Variants in ERBB4 observed in about 807,000 individuals in gnomAD.
ERBB4 encodes the protein receptor tyrosine-protein kinase erbB-4.
ERBB4 carries 42 observed loss-of-function variants against 158.0 expected under a neutral mutation model. That is an observed-to-expected ratio of 0.27 (90% confidence interval 0.21 to 0.34). The LOEUF (loss-of-function observed/expected upper bound fraction) is 0.34, where lower values mean the gene tolerates loss of function less well. Among genes scored for constraint, ERBB4 ranks in the 10% least tolerant of loss-of-function variants. ERBB4 has a pLI of 1.00. For missense variants in ERBB4, 1,333 were observed against 1,624.1 expected (o/e 0.82, Z 3.08); for synonymous variants, 583 against 558.7 (o/e 1.04, Z -0.61).
intron 20 of ERBB4, among the ~76,000 whole-genome samples, chr2:211,493,808 G>T (rs181981603): frequency 5.2e-4 from 79 of 152,160 alleles, no homozygotes; most frequent in Admixed American, 3.7e-3. Flanking sequence ...AATATTACAT[G>T]CTTCCCTAAC....
chr2:212,460,682 A>G (rs989033321), intron 1 of ERBB4, among the ~76,000 whole-genome samples: 8 of 152,226 alleles, frequency 5.3e-5, no homozygotes, highest in Non-Finnish European at 1.5e-5. Context: ...TAAAGCACTC[A>G]GTTTTGTAAA....
intron 3 of ERBB4, among the ~76,000 whole-genome samples, chr2:211,913,197 ACAATATTATCT>A (rs2079583463): frequency 1.3e-5 from 2 of 152,212 alleles, no homozygotes; most frequent in South Asian, 4.1e-4. Context: ...CTTGGTCCCC[ACAATATTATCT>A]CATGAAGCTG....
chr2:211,677,621 TC>T (rs1371201219), intron 13 of ERBB4, among the ~76,000 whole-genome samples: 2 of 149,704 alleles, frequency 1.3e-5, no homozygotes, highest in Non-Finnish European at 3.0e-5. Context: ...ACGCCTGTAA[TC>T]CCAGCACTTT....
chr2:212,287,625 G>T (rs1033176487), intron 1 of ERBB4, among the ~76,000 whole-genome samples: 1 of 151,962 alleles, frequency 6.6e-6, no homozygotes, highest in East Asian at 1.9e-4. Context: ...CCAGTAAGAG[G>T]CGTGCTCTTT....
At chr2:211,736,034 G>A (rs1299141702) in intron 5 of ERBB4, among the ~76,000 whole-genome samples, 6 of 151,246 alleles carry the variant, frequency 4.0e-5, no homozygotes, top group Admixed American at 6.6e-5. Context: ...ATGGTGGTGT[G>A]CACCTGTAGT....
At chr2:211,588,072 T>C (rs933361803) in intron 19 of ERBB4, among the ~76,000 whole-genome samples, 1 of 152,218 alleles carries the variant, frequency 6.6e-6, no homozygotes, top group African/African-American at 2.4e-5. Context: ...AAAAGATCTC[T>C]AAAATATATT....
intron 1 of ERBB4, among the ~76,000 whole-genome samples, chr2:212,269,928 A>G (rs981315373): frequency 6.6e-6 from 1 of 151,704 alleles, no homozygotes; most frequent in Non-Finnish European, 1.5e-5. Context: ...GAAATTCAAT[A>G]TTTCTGCCTG....
At chr2:211,964,848 A>AT (rs949343610) in intron 2 of ERBB4, among the ~76,000 whole-genome samples, 4 of 152,042 alleles carry the variant, frequency 2.6e-5, no homozygotes, top group African/African-American at 4.8e-5. Flanking sequence ...TAGAAATACT[A>AT]TTTTTTTACT....
chr2:212,295,339 CAT>C (rs2086371483), intron 1 of ERBB4, among the ~76,000 whole-genome samples: 1 of 152,004 alleles, frequency 6.6e-6, no homozygotes, highest in Non-Finnish European at 1.5e-5. Context: ...GAAGAGAAGA[CAT>C]ATATGTTGAT....
intron 1 of ERBB4, among the ~76,000 whole-genome samples, chr2:212,156,316 T>C (rs2081034091): frequency 6.6e-6 from 1 of 151,914 alleles, no homozygotes; most frequent in African/African-American, 2.4e-5. Context: ...ATGAATGACT[T>C]ATTGACCCAG....
intron 3 of ERBB4, among the ~76,000 whole-genome samples, chr2:211,826,231 C>T (rs13005396): frequency 0.23 from 35,101 of 151,396 alleles, 4,207 homozygotes; most frequent in South Asian, 0.33. Context: ...AGTGCATAAT[C>T]CTTCATTGCT....
At chr2:211,950,315 G>T (rs1227899389) in intron 2 of ERBB4, among the ~76,000 whole-genome samples, 1 of 152,132 alleles carries the variant, frequency 6.6e-6, no homozygotes, top group Non-Finnish European at 1.5e-5. Flanking sequence ...AGGCTAGAGT[G>T]TTCAAAAACT....
intron 1 of ERBB4, among the ~76,000 whole-genome samples, chr2:212,167,690 C>T (rs1021460379): frequency 1.3e-5 from 2 of 152,096 alleles, no homozygotes; most frequent in African/African-American, 4.8e-5. Context: ...GGAACCAACA[C>T]AAATGCCCAT....
At chr2:211,488,477 A>G (rs911228695) in intron 20 of ERBB4, among the ~76,000 whole-genome samples, 15 of 152,106 alleles carry the variant, frequency 9.9e-5, no homozygotes, top group Non-Finnish European at 2.1e-4. Flanking sequence ...CTGAATAAAG[A>G]TTTCTTAAAA....
Position 211,580,844 on chromosome 2 carries a change from TTATA to T in ERBB4, c.2302-18760_2302-18757del, listed in dbSNP as rs1449061227. 9.0e-3 allele frequency among the ~76,000 whole-genome samples: 526 copies of T among 58,700 alleles called. 64 individuals carry two copies. Among genetic ancestry groups the T allele is most frequent in the African/African-American group, 0.021 (490 of 23,636 alleles). The allele number at this position is 58,700 out of a possible 152,430, so 38.5% of individuals were successfully genotyped here. ...ATATATTATATATATAGATTATATA[TTATA>T]TATATAGTATGCATATACATATATA... On this transcript the variant is annotated intron_variant, in intron 19 of 27. Coordinates refer to ENST00000342788, the MANE Select transcript of ERBB4 (RefSeq NM_005235.3).
rs552096105 is a variant in ERBB4 at position 212,532,294 on chromosome 2, G to A, written c.82+6155C>T. On this transcript the variant is annotated intron_variant, in intron 1 of 27. Coordinates refer to ENST00000342788, the MANE Select transcript of ERBB4 (RefSeq NM_005235.3). ...TCTATGACACCAGTGCAGGAGAGTA[G>A]AGGCAACAGTGAAAGGAAAGTGAGG... 3.3e-5 allele frequency among the ~76,000 whole-genome samples: 5 copies of A among 152,306 alleles called. No individual in the cohort carries two copies. In the East Asian group the frequency reaches 5.8e-4, roughly 18 times the overall value.
intron 1 of ERBB4, among the ~76,000 whole-genome samples, chr2:212,448,746 TA>T (rs1044221693): frequency 5.3e-5 from 8 of 152,020 alleles, no homozygotes; most frequent in East Asian, 1.9e-4. Flanking sequence ...AAGCAGTTAC[TA>T]AAAAAAACTT....
chr2:211,552,431 A>G (rs2067123049), intron 20 of ERBB4, among the ~76,000 whole-genome samples: 1 of 152,100 alleles, frequency 6.6e-6, no homozygotes, highest in South Asian at 2.1e-4. Flanking sequence ...TTTTTTTTGG[A>G]AGAAGTTTAA....
At chr2:211,902,785 A>AT (rs1252470707) in intron 3 of ERBB4, among the ~76,000 whole-genome samples, 2 of 152,012 alleles carry the variant, frequency 1.3e-5, no homozygotes, top group East Asian at 3.9e-4. Flanking sequence ...ATCATAGATT[A>AT]TAGAGTCAGA....
Sources: allele counts gnomAD v4.1 joint callset (sites outside exome capture counted in the v4.1 genomes callset), GRCh38; gene constraint gnomAD v4.1.1; transcripts MANE v1.5; gene names NCBI Gene and HGNC (gene_info 2026-07-23, HGNC 2026-07-21).